SLIT2: variants seen among roughly 807,000 people sequenced by gnomAD.
SLIT2 encodes slit guidance ligand 2.
SLIT2 carries 41 observed loss-of-function variants against 185.7 expected under a neutral mutation model. The observed-to-expected ratio is 0.22, with a 90% CI of 0.17 to 0.29. SLIT2 has a LOEUF of 0.29. Among genes scored for constraint, SLIT2 ranks in the 10% least tolerant of loss-of-function variants. The probability of loss-of-function intolerance (pLI) is 1.00; values close to 1 mark genes in which losing one functional copy is unlikely to be tolerated. For synonymous variants in SLIT2, 693 were observed against 680.2 expected (o/e 1.02, Z -0.29); for missense variants, 1,571 against 1,909.0 (o/e 0.82, Z 3.30).
At chr4:20,609,132 C>A (rs532705823) in intron 33 of SLIT2, among the ~76,000 whole-genome samples, 2 of 152,268 alleles carry the variant, frequency 1.3e-5, no homozygotes, top group South Asian at 4.1e-4. Flanking sequence ...CACTTTAAAA[C>A]CATGTAAAAC....
At chr4:20,595,649 T>A in intron 30 of SLIT2, 48 bp from the exon 31 acceptor site, 1 of 1,604,900 alleles carries the variant, frequency 6.2e-7, no homozygotes, top group Non-Finnish European at 8.5e-7. Context: ...ATTGTTTACT[T>A]ATTTTGGCTC....
At chr4:20,573,969 T>TATTTATTTATTTATTG (rs1725851524) in intron 29 of SLIT2, among the ~76,000 whole-genome samples, 1 of 151,642 alleles carries the variant, frequency 6.6e-6, no homozygotes, top group Non-Finnish European at 1.5e-5. Context: ...TTTATTTATT[T>TATTTATTTATTTATTG]ATTGAGATGG....
chr4:20,612,384 C>T (rs1238478734), intron 34 of SLIT2, among the ~76,000 whole-genome samples: 1 of 151,460 alleles, frequency 6.6e-6, no homozygotes, highest in African/African-American at 2.4e-5. Flanking sequence ...GGTAGAGGGC[C>T]TGGAAAAATT....
intron 17 of SLIT2, among the ~76,000 whole-genome samples, chr4:20,532,848 A>G (rs1452683781): frequency 1.3e-5 from 2 of 152,190 alleles, no homozygotes; most frequent in African/African-American, 4.8e-5. Flanking sequence ...TTTAGCCATA[A>G]GATGATTTCC....
At chr4:20,597,556 T>C (rs1728085651) in intron 32 of SLIT2, among the ~76,000 whole-genome samples, 1 of 152,180 alleles carries the variant, frequency 6.6e-6, no homozygotes, top group African/African-American at 2.4e-5. Context: ...TGTCTACATA[T>C]TTGTTTTATC....
chr4:20,460,446 A>G lies in SLIT2; in HGVS notation c.396-7306A>G, dbSNP rs76094483. Among the ~76,000 whole-genome samples, 1,053 of 152,350 alleles carry G rather than the reference A, an allele frequency of 6.9e-3. 22 individuals carry two copies. Among genetic ancestry groups the G allele is most frequent in the African/African-American group, 0.024 (996 of 41,574 alleles). On this transcript the variant is annotated intron_variant, in intron 4 of 36. Coordinates refer to ENST00000504154, the MANE Select transcript of SLIT2 (RefSeq NM_004787.4). ...GGAATGTTTAAGTGAGCTGATTAAC[A>G]AATCAATTCCTCACATAGTCATCAT...
At chr4:20,364,310 C>G (rs759270793) in intron 4 of SLIT2, 20 of 980,696 alleles carry the variant, frequency 2.0e-5, no homozygotes, top group Non-Finnish European at 2.3e-5. Context: ...AATAATGGTT[C>G]AAGTAATTGA....
chr4:20,607,794 G>A (rs1373147813), intron 33 of SLIT2, among the ~76,000 whole-genome samples: 3 of 152,008 alleles, frequency 2.0e-5, no homozygotes, highest in Non-Finnish European at 4.4e-5. Flanking sequence ...GAAATGGGGG[G>A]CCTCATTATT....
At chr4:20,440,886 C>CT (rs1729689987) in intron 4 of SLIT2, among the ~76,000 whole-genome samples, 1 of 151,954 alleles carries the variant, frequency 6.6e-6, no homozygotes, top group South Asian at 2.1e-4. Context: ...GTCATCGTAC[C>CT]CAAACACTGA....
intron 8 of SLIT2, chr4:20,490,926 C>G: frequency 3.9e-6 from 3 of 775,634 alleles, no homozygotes; most frequent in Non-Finnish European, 6.4e-6. Flanking sequence ...GTCACCACCA[C>G]TAGGGCCCTT....
intron 4 of SLIT2, among the ~76,000 whole-genome samples, chr4:20,343,333 C>T (rs1300820535): frequency 1.3e-5 from 2 of 151,974 alleles, no homozygotes; most frequent in Non-Finnish European, 2.9e-5. Flanking sequence ...TTTCTTTATC[C>T]CTGGCTTATT....
intron 10 of SLIT2, among the ~76,000 whole-genome samples, chr4:20,510,785 G>A (rs1421005841): frequency 6.6e-6 from 1 of 152,134 alleles, no homozygotes; most frequent in African/African-American, 2.4e-5. Flanking sequence ...TCATACAAAT[G>A]TGAATGTTTA....
chr4:20,571,743 A>C (rs1264848901), intron 29 of SLIT2, among the ~76,000 whole-genome samples: 3 of 152,246 alleles, frequency 2.0e-5, no homozygotes, highest in African/African-American at 7.2e-5. Flanking sequence ...AAATCATCCT[A>C]GTAACAAGTT....
At chr4:20,607,715 T>C (rs1223696305) in intron 33 of SLIT2, among the ~76,000 whole-genome samples, 4 of 152,184 alleles carry the variant, frequency 2.6e-5, no homozygotes, top group African/African-American at 9.6e-5. Flanking sequence ...CTGAATTGAC[T>C]AAGACCAATA....
At chr4:20,509,746 A>G (rs970972936) in intron 9 of SLIT2, among the ~76,000 whole-genome samples, 4 of 152,210 alleles carry the variant, frequency 2.6e-5, no homozygotes, top group Admixed American at 6.5e-5. Context: ...TGTGCGTTTC[A>G]TAACTAGGTG....
intron 4 of SLIT2, among the ~76,000 whole-genome samples, chr4:20,292,199 C>CT (rs921261883): frequency 6.6e-6 from 1 of 152,140 alleles, no homozygotes; most frequent in African/African-American, 2.4e-5. Context: ...AAAACAACCT[C>CT]TTCATGTCTG....
At chr4:20,373,343 C>A (rs771382504) in intron 4 of SLIT2, among the ~76,000 whole-genome samples, 1 of 151,970 alleles carries the variant, frequency 6.6e-6, no homozygotes, top group East Asian at 1.9e-4. Flanking sequence ...TTTGAAATAC[C>A]TAACTCAATA....
chr4:20,552,534 A>G (rs1377271290), intron 25 of SLIT2: 1 of 152,020 alleles, frequency 6.6e-6, no homozygotes, highest in Admixed American at 6.6e-5. Flanking sequence ...CTCCCCTGTC[A>G]CATCAAGGAC....
chr4:20,512,996 G>T (rs528118709), intron 11 of SLIT2, among the ~76,000 whole-genome samples: 8 of 152,124 alleles, frequency 5.3e-5, no homozygotes, highest in South Asian at 2.1e-4. Flanking sequence ...TGATAAACAG[G>T]GTTCCTGTAA....
Sources: allele counts gnomAD v4.1 joint callset (sites outside exome capture counted in the v4.1 genomes callset), GRCh38; gene constraint gnomAD v4.1.1; transcripts MANE v1.5; gene names NCBI Gene and HGNC (gene_info 2026-07-23, HGNC 2026-07-21).